The following CMTM8 variants were observed in gnomAD, a reference collection of about 807,000 sequenced individuals.
CMTM8 encodes the protein CKLF-like MARVEL transmembrane domain-containing protein 8.
In CMTM8, 12 loss-of-function variants were observed where a neutral mutation model predicts 18.6. The observed-to-expected ratio is 0.65, with a 90% CI of 0.41 to 1.05. CMTM8 has a LOEUF of 1.05. CMTM8 is among the 50% of genes least tolerant of loss of function. CMTM8 has a pLI of 0.00. For synonymous variants in CMTM8, 87 were observed against 90.6 expected, an observed-to-expected ratio of 0.96 and a Z score of 0.23; for missense variants, 217 against 227.2, an observed-to-expected ratio of 0.95 and a Z score of 0.29.
intron 1 of CMTM8, among the ~76,000 whole-genome samples, chr3:32,347,953 G>A (rs1401687246): frequency 2.0e-5 from 3 of 152,062 alleles, no homozygotes; most frequent in Non-Finnish European, 4.4e-5. Flanking sequence ...GTCATGCTTG[G>A]ATTTCCCTTC....
chr3:32,286,235 A>G (rs977247615), intron 1 of CMTM8, among the ~76,000 whole-genome samples: 9 of 152,218 alleles, frequency 5.9e-5, no homozygotes, highest in Non-Finnish European at 1.3e-4. Context: ...TAAAAATGCA[A>G]CTTAAAATCT....
chr3:32,352,915 A>G (rs529701722), intron 1 of CMTM8, among the ~76,000 whole-genome samples: 3 of 151,978 alleles, frequency 2.0e-5, no homozygotes, highest in African/African-American at 7.2e-5. Context: ...CATTTAAAAC[A>G]TAGAAATTTA....
intron 1 of CMTM8, among the ~76,000 whole-genome samples, chr3:32,324,922 T>G (rs536606143): frequency 2.0e-5 from 3 of 151,926 alleles, no homozygotes; most frequent in African/African-American, 7.2e-5. Context: ...AAGAGCAGAG[T>G]TATGTTAAGA....
At chr3:32,272,554 T>C (rs925700230) in intron 1 of CMTM8, among the ~76,000 whole-genome samples, 8 of 151,618 alleles carry the variant, frequency 5.3e-5, no homozygotes, top group Admixed American at 2.0e-4. Context: ...TTCAATTTTA[T>C]TAATTCTTTT....
chr3:32,339,325 T>G (rs941323241), intron 1 of CMTM8, among the ~76,000 whole-genome samples: 1 of 152,228 alleles, frequency 6.6e-6, no homozygotes, highest in Non-Finnish European at 1.5e-5. Flanking sequence ...CACAAATTAC[T>G]AGCAACATCT....
chr3:32,321,367 G>A (rs1234075076), intron 1 of CMTM8, among the ~76,000 whole-genome samples: 1 of 152,142 alleles, frequency 6.6e-6, no homozygotes, highest in Non-Finnish European at 1.5e-5. Context: ...GCTTGGGTGT[G>A]CATGTGGACC....
At chr3:32,290,922 A>AT (rs61565250) in intron 1 of CMTM8, among the ~76,000 whole-genome samples, 1 of 152,034 alleles carries the variant, frequency 6.6e-6, no homozygotes, top group Non-Finnish European at 1.5e-5. Flanking sequence ...TCATTTTTGT[A>AT]TTTTTTCAAG....
chr3:32,320,096 G>A (rs1473620500), intron 1 of CMTM8, among the ~76,000 whole-genome samples: 1 of 152,198 alleles, frequency 6.6e-6, no homozygotes, highest in Non-Finnish European at 1.5e-5. Context: ...CTCAGCTCCT[G>A]AGCAAGCTTC....
intron 1 of CMTM8, among the ~76,000 whole-genome samples, chr3:32,315,837 C>A (rs1374771028): frequency 1.3e-5 from 2 of 152,014 alleles, no homozygotes; most frequent in East Asian, 3.9e-4. Context: ...CTGGAGTTGA[C>A]AACCTATATT....
intron 1 of CMTM8, among the ~76,000 whole-genome samples, chr3:32,287,964 A>G (rs1411193935): frequency 2.6e-5 from 4 of 152,210 alleles, no homozygotes; most frequent in Admixed American, 2.6e-4. Flanking sequence ...TGATCCGTTT[A>G]TGGCTTTAAA....
chr3:32,289,304 T>A (rs1702740705), intron 1 of CMTM8, among the ~76,000 whole-genome samples: 1 of 152,210 alleles, frequency 6.6e-6, no homozygotes, highest in South Asian at 2.1e-4. Context: ...ACCAACACTA[T>A]GTGTGCTAAA....
At chr3:32,289,908 A>G in intron 1 of CMTM8, among the ~76,000 whole-genome samples, 1 of 152,120 alleles carries the variant, frequency 6.6e-6, no homozygotes, top group Non-Finnish European at 1.5e-5. Context: ...AGGCCGGTAG[A>G]TTGCTCGAGC....
chr3:32,269,774 A>G (rs1702408480), intron 1 of CMTM8, among the ~76,000 whole-genome samples: 1 of 152,120 alleles, frequency 6.6e-6, no homozygotes, highest in Middle Eastern at 3.2e-3. Context: ...ACTAAAACCC[A>G]TATACAATTT....
At chr3:32,269,317 G>T (rs1333124487) in intron 1 of CMTM8, among the ~76,000 whole-genome samples, 1 of 152,114 alleles carries the variant, frequency 6.6e-6, no homozygotes, top group Non-Finnish European at 1.5e-5. Flanking sequence ...TCTGTAACAG[G>T]TATATTTAAT....
chr3:32,258,303 A>G (rs938023104), intron 1 of CMTM8, among the ~76,000 whole-genome samples: 3 of 152,112 alleles, frequency 2.0e-5, no homozygotes, highest in Non-Finnish European at 4.4e-5. Flanking sequence ...TTTCGGCACT[A>G]CTACGTATTT....
intron 1 of CMTM8, among the ~76,000 whole-genome samples, chr3:32,317,521 T>G (rs1695954149): frequency 6.6e-6 from 1 of 152,202 alleles, no homozygotes. Context: ...GCCTAAACTT[T>G]ATGAAAGTCA....
intron 1 of CMTM8, among the ~76,000 whole-genome samples, chr3:32,269,600 A>G (rs947961426): frequency 1.3e-5 from 2 of 152,090 alleles, no homozygotes; most frequent in African/African-American, 4.8e-5. Context: ...GTGGGAGCTG[A>G]CGCTTTTGTT....
intron 1 of CMTM8, among the ~76,000 whole-genome samples, chr3:32,330,597 A>G (rs1253654098): frequency 1.3e-5 from 2 of 152,242 alleles, no homozygotes; most frequent in African/African-American, 4.8e-5. Flanking sequence ...TAGAGAGCCC[A>G]GTAATATACG....
chr3:32,342,960 A>C (rs932163852), intron 1 of CMTM8, among the ~76,000 whole-genome samples: 8 of 152,216 alleles, frequency 5.3e-5, no homozygotes, highest in Non-Finnish European at 1.2e-4. Flanking sequence ...CCCAAGGGCT[A>C]ATGGAATTCA....
Sources: gnomAD v4.1 joint callset for allele counts (sites outside exome capture counted in the v4.1 genomes callset) on GRCh38, gnomAD v4.1.1 for gene constraint, MANE v1.5 for transcripts, NCBI Gene and HGNC (gene_info 2026-07-23, HGNC 2026-07-21) for gene names.